The following ERBB4 variants were observed in gnomAD, a reference collection of about 807,000 sequenced individuals.
The protein encoded by ERBB4 is erb-b2 receptor tyrosine kinase 4.
In ERBB4, 42 loss-of-function variants were observed where a neutral mutation model predicts 158.0. The ratio of observed to expected loss-of-function variants is 0.27; its 90% CI spans 0.21 to 0.34. The LOEUF is 0.34. Among genes scored for constraint, ERBB4 ranks in the 10% least tolerant of loss-of-function variants. The pLI, the probability that ERBB4 is intolerant of heterozygous loss-of-function variation, is 1.00. For missense variants in ERBB4, 1,333 were observed against 1,624.1 expected (o/e 0.82, Z 3.08); for synonymous variants, 583 against 558.7 (o/e 1.04, Z -0.61).
intron 1 of ERBB4, among the ~76,000 whole-genome samples, chr2:212,153,012 G>A (rs112972508): frequency 1.3e-5 from 2 of 152,130 alleles, no homozygotes; most frequent in African/African-American, 4.8e-5. Context: ...TAAGGAAAAT[G>A]GGCAATTTGC....
At chr2:212,010,758 G>C (rs1421602638) in intron 2 of ERBB4, among the ~76,000 whole-genome samples, 1 of 152,148 alleles carries the variant, frequency 6.6e-6, no homozygotes, top group African/African-American at 2.4e-5. Flanking sequence ...GGTACTGCAA[G>C]AGACCAGGAC....
intron 3 of ERBB4, among the ~76,000 whole-genome samples, chr2:211,839,758 A>G (rs1174785265): frequency 6.6e-6 from 1 of 152,160 alleles, no homozygotes; most frequent in Non-Finnish European, 1.5e-5. Flanking sequence ...GTTGTTAAAC[A>G]CTATAGGTTT....
At chr2:211,811,181 C>T (rs895913111) in intron 3 of ERBB4, among the ~76,000 whole-genome samples, 4 of 152,064 alleles carry the variant, frequency 2.6e-5, no homozygotes, top group African/African-American at 4.8e-5. Flanking sequence ...TTAGGGCTTC[C>T]TTCAGGAGCT....
rs746268268 is a variant in ERBB4 at position 212,392,437 on chromosome 2, G to A, written c.82+146012C>T. 4.6e-5 allele frequency among the ~76,000 whole-genome samples: 7 copies of A among 152,020 alleles called. No individual in the cohort carries two copies. The East Asian group carries it at 5.8e-4, about 13-fold the overall frequency. On this transcript the variant is annotated intron_variant, in intron 1 of 27. Coordinates refer to ENST00000342788, the MANE Select transcript of ERBB4 (RefSeq NM_005235.3). ...ACAAGAAAGCAAGAGATAAATTTTC[G>A]AAATTACTTAGGAATTGTATGTCTT...
At chr2:211,841,539 G>A (rs2077471009) in intron 3 of ERBB4, among the ~76,000 whole-genome samples, 1 of 151,876 alleles carries the variant, frequency 6.6e-6, no homozygotes, top group Admixed American at 6.6e-5. Flanking sequence ...TTAAGGTAAG[G>A]TATAGTATAA....
At chr2:211,929,414 A>G (rs1307835582) in intron 3 of ERBB4, among the ~76,000 whole-genome samples, 1 of 152,104 alleles carries the variant, frequency 6.6e-6, no homozygotes, top group Non-Finnish European at 1.5e-5. Context: ...AGAAAAGAAA[A>G]CCAAAAGGGT....
intron 3 of ERBB4, among the ~76,000 whole-genome samples, chr2:211,846,594 C>T (rs1373915850): frequency 1.3e-5 from 2 of 152,020 alleles, no homozygotes; most frequent in African/African-American, 4.8e-5. Context: ...TATAAATGAC[C>T]AGATAATTTG....
chr2:212,312,437 C>T (rs1453358732), intron 1 of ERBB4, among the ~76,000 whole-genome samples: 2 of 150,880 alleles, frequency 1.3e-5, no homozygotes, highest in Non-Finnish European at 3.0e-5. Context: ...TTAGATTATA[C>T]ATTCTAATAA....
intron 1 of ERBB4, among the ~76,000 whole-genome samples, chr2:212,365,025 A>T (rs1252026066): frequency 6.6e-6 from 1 of 151,684 alleles, no homozygotes; most frequent in African/African-American, 2.4e-5. Context: ...TTTAAATCTT[A>T]TTTAAAGTCA....
chr2:211,665,493 GA>G lies in ERBB4; in HGVS notation c.1717-17del, dbSNP rs759469301. 39 of 1,587,818 alleles carry G rather than the reference GA, an allele frequency of 2.5e-5. No homozygotes were observed. The highest frequency in any genetic ancestry group is 4.5e-5 in the East Asian group (2 of 44,564). The stretch of plus-strand genomic sequence containing the variant: ...TGTCAGGACCCTGAAATGTGAAAAC[GA>G]AAAAAAAAGAAAAAAGAAAAGTGGT... On this transcript the variant is annotated splice_polypyrimidine_tract_variant and intron_variant, in intron 14 of 27. Transcript: ENST00000342788.
intron 1 of ERBB4, among the ~76,000 whole-genome samples, chr2:212,531,192 C>T (rs911315292): frequency 6.6e-6 from 1 of 152,158 alleles, no homozygotes; most frequent in Non-Finnish European, 1.5e-5. Context: ...AATGACTCTT[C>T]TTGCCAAAAC....
At chr2:211,731,810 T>C (rs1312757551) in intron 5 of ERBB4, among the ~76,000 whole-genome samples, 1 of 152,104 alleles carries the variant, frequency 6.6e-6, no homozygotes, top group Non-Finnish European at 1.5e-5. Flanking sequence ...TTACAGAGCA[T>C]GTGTAAAAAA....
chr2:211,669,925 G>T (rs1482396375), intron 14 of ERBB4, among the ~76,000 whole-genome samples: 1 of 152,174 alleles, frequency 6.6e-6, no homozygotes, highest in Non-Finnish European at 1.5e-5. Flanking sequence ...TTTAAAGGGA[G>T]AAAGTGATAG....
chr2:212,423,609 T>G (rs994679307), intron 1 of ERBB4, among the ~76,000 whole-genome samples: 1 of 152,186 alleles, frequency 6.6e-6, no homozygotes, highest in Non-Finnish European at 1.5e-5. Context: ...CAAACATATA[T>G]ATGAAAATGA....
chr2:212,355,567 C>T (rs1210334477), intron 1 of ERBB4, among the ~76,000 whole-genome samples: 1 of 151,892 alleles, frequency 6.6e-6, no homozygotes, highest in Non-Finnish European at 1.5e-5. Context: ...CAAGGCTGCT[C>T]GTTATTGTAA....
At chr2:212,512,479 T>C (rs1691581129) in intron 1 of ERBB4, among the ~76,000 whole-genome samples, 2 of 152,168 alleles carry the variant, frequency 1.3e-5, no homozygotes, top group Non-Finnish European at 2.9e-5. Flanking sequence ...ATAAATAGTA[T>C]TTAAAACTGT....
chr2:212,192,053 A>G (rs1434512519), intron 1 of ERBB4, among the ~76,000 whole-genome samples: 7 of 99,186 alleles, frequency 7.1e-5, no homozygotes, highest in African/African-American at 2.0e-4. Context: ...TATATGTTAT[A>G]TGTTATATAT....
intron 3 of ERBB4, among the ~76,000 whole-genome samples, chr2:211,835,192 G>T (rs2077313633): frequency 6.6e-6 from 1 of 152,066 alleles, no homozygotes; most frequent in Non-Finnish European, 1.5e-5. Flanking sequence ...AACCATCTCT[G>T]CTCAGCCTTC....
At chr2:212,051,323 A>G (rs2077392156) in intron 2 of ERBB4, among the ~76,000 whole-genome samples, 2 of 152,138 alleles carry the variant, frequency 1.3e-5, no homozygotes, top group Admixed American at 1.3e-4. Flanking sequence ...TTTAAGTATT[A>G]AATGTATAAG....
Sources: allele counts gnomAD v4.1 joint callset (sites outside exome capture counted in the v4.1 genomes callset), GRCh38; gene constraint gnomAD v4.1.1; transcripts MANE v1.5; gene names NCBI Gene and HGNC (gene_info 2026-07-23, HGNC 2026-07-21).